The following SORCS2 variants were observed in gnomAD, a reference collection of about 807,000 sequenced individuals.
SORCS2 encodes VPS10 domain-containing receptor SorCS2.
SORCS2 carries 100 observed loss-of-function variants against 141.6 expected under a neutral mutation model. The observed-to-expected ratio is 0.71, with a 90% CI of 0.60 to 0.83. The LOEUF (loss-of-function observed/expected upper bound fraction) is 0.83, where lower values mean the gene tolerates loss of function less well. SORCS2 is among the 40% of genes least tolerant of loss of function. SORCS2 has a pLI of 0.00. For synonymous variants in SORCS2, 789 were observed against 676.9 expected (o/e 1.17, Z -2.57); for missense variants, 1,646 against 1,560.2 (o/e 1.05, Z -0.93).
chr4:7,702,606 C>T (rs1725159624), intron 12 of SORCS2, among the ~76,000 whole-genome samples: 1 of 152,266 alleles, frequency 6.6e-6, no homozygotes, highest in East Asian at 1.9e-4. Context: ...AAGCCCTGTC[C>T]AGGCTACTCA....
intron 11 of SORCS2, among the ~76,000 whole-genome samples, chr4:7,690,161 G>A (rs559503074): frequency 3.3e-5 from 5 of 151,758 alleles, no homozygotes; most frequent in Non-Finnish European, 7.4e-5. Context: ...GTGGGTGGGT[G>A]GATGGATGAG....
chr4:7,640,609 C>T (rs938395722), intron 4 of SORCS2, among the ~76,000 whole-genome samples: 49 of 151,844 alleles, frequency 3.2e-4, no homozygotes, highest in African/African-American at 1.1e-3. Context: ...CACAGATAGC[C>T]TGGGGTGATC....
At chr4:7,204,890 G>A (rs1462973152) in intron 1 of SORCS2, among the ~76,000 whole-genome samples, 2 of 152,218 alleles carry the variant, frequency 1.3e-5, no homozygotes, top group Admixed American at 6.5e-5. Flanking sequence ...GCATTGCTCG[G>A]CGCGGCCGCG....
At chr4:7,319,372 C>T (rs928617824) in intron 1 of SORCS2, among the ~76,000 whole-genome samples, 21 of 152,082 alleles carry the variant, frequency 1.4e-4, no homozygotes, top group Admixed American at 2.0e-4. Context: ...TTGGACCCTC[C>T]GACTTGTCTC....
chr4:7,322,159 C>T lies in SORCS2; in HGVS notation c.481-74129C>T, dbSNP rs73796632. 5.6e-3 allele frequency among the ~76,000 whole-genome samples: 856 copies of T among 152,264 alleles called. 7 individuals carry two copies. The highest frequency in any genetic ancestry group is 0.019 in the African/African-American group (790 of 41,564). On this transcript the variant is annotated intron_variant, in intron 1 of 26. Transcript: ENST00000507866. Reference sequence around the variant, plus strand: ...CAGATGCTGCTTGACCAGAGGGGGCCGGGATGTGGGCCAAGCCCCACCCCC... The same window carrying T: ...CAGATGCTGCTTGACCAGAGGGGGCTGGGATGTGGGCCAAGCCCCACCCCC...
intron 3 of SORCS2, among the ~76,000 whole-genome samples, chr4:7,532,795 G>T (rs1340183427): frequency 6.6e-6 from 1 of 152,130 alleles, no homozygotes; most frequent in Admixed American, 6.5e-5. Flanking sequence ...TCCTAAAGCA[G>T]GTTGCTTTGC....
intron 3 of SORCS2, among the ~76,000 whole-genome samples, chr4:7,547,023 G>GT (rs904186462): frequency 1.3e-5 from 2 of 152,248 alleles, no homozygotes; most frequent in South Asian, 4.2e-4. Context: ...GCTGCTGCCT[G>GT]TTTTTTAACA....
chr4:7,434,765 T>A, intron 2 of SORCS2: 1 of 1,612,820 alleles, frequency 6.2e-7, no homozygotes, highest in Non-Finnish European at 8.5e-7. Context: ...CTGGCAGCTG[T>A]CTGCAGATCC....
intron 1 of SORCS2, among the ~76,000 whole-genome samples, chr4:7,303,792 C>G (rs1717604430): frequency 6.6e-6 from 1 of 152,258 alleles, no homozygotes; most frequent in Non-Finnish European, 1.5e-5. Context: ...GCGCAGGACG[C>G]AGACCTCGGC....
Position 7,643,014 on chromosome 4 carries a change from T to C in SORCS2, c.813+4522T>C, listed in dbSNP as rs140042362. 3.9e-3 allele frequency among the ~76,000 whole-genome samples: 600 copies of C among 152,310 alleles called. 6 individuals are homozygous for C. Among genetic ancestry groups the C allele is most frequent in the African/African-American group, 0.014 (578 of 41,562 alleles). ...TGCCCTGCTCTAAGGATTTGCAGAT[T>C]TGTGCAAAGCCAAAGGCTTGCCTCC... is the stretch of plus-strand genomic sequence containing the variant. On this transcript the variant is annotated intron_variant, in intron 4 of 26. Transcript: ENST00000507866.
intron 1 of SORCS2, among the ~76,000 whole-genome samples, chr4:7,393,075 G>C (rs1344873427): frequency 6.6e-6 from 1 of 152,186 alleles, no homozygotes; most frequent in African/African-American, 2.4e-5. Flanking sequence ...GGAGGCAAGA[G>C]GATGAGACGT....
chr4:7,700,045 T>C (rs1436823611), intron 12 of SORCS2, among the ~76,000 whole-genome samples: 1 of 152,166 alleles, frequency 6.6e-6, no homozygotes, highest in African/African-American at 2.4e-5. Context: ...CCTCTCCGTG[T>C]GCCCCCAGGG....
chr4:7,557,054 G>A (rs11736943), intron 3 of SORCS2, among the ~76,000 whole-genome samples: 88,567 of 151,766 alleles, frequency 0.58, 28,223 homozygotes, highest in East Asian at 0.9. Context: ...TTCCTCCCTT[G>A]TACCAGGCAT....
Position 7,531,625 on chromosome 4 carries a change from G to A in SORCS2, c.644G>A (p.Arg215Lys). The A allele has an allele frequency of 1.9e-6, 3 of 1,613,590 alleles. No homozygotes were observed. The highest frequency in any genetic ancestry group is 1.7e-6 in the Non-Finnish European group (2 of 1,179,752). The change falls in exon 3 of 27, where the codon AGG becomes AAG. Residue 215 changes from arginine to lysine, a missense_variant. Arg to Lys is a conservative substitution (Grantham distance 26). Coordinates refer to ENST00000507866, the MANE Select transcript of SORCS2 (RefSeq NM_020777.3). ...DNFYICPTNK[R>K]KVILVSSSLS... The stretch of plus-strand genomic sequence containing the variant: ...TTCTACATCTGCCCGACCAACAAGA[G>A]GAAGGTAGGTGCTGGCTGGGGGTGG...
chr4:7,403,300 C>G (rs964552516), intron 2 of SORCS2, among the ~76,000 whole-genome samples: 1 of 152,066 alleles, frequency 6.6e-6, no homozygotes, highest in Non-Finnish European at 1.5e-5. Flanking sequence ...TACTGGGACT[C>G]GAGCTGACAG....
At position 7,682,894 on chromosome 4, in the gene SORCS2, G is replaced by C; in HGVS notation, c.1488+5G>C. On this transcript the variant is annotated splice_donor_5th_base_variant and intron_variant, in intron 10 of 26. Transcript: ENST00000507866. ...AAACCAACCAACTGCAAGCCTGTAA[G>C]TACCTCTGCTCACATCACACACCAT... The C allele has an allele frequency of 6.2e-7, 1 of 1,613,082 alleles. No individual in the cohort carries two copies. Among genetic ancestry groups the C allele is most frequent in the Non-Finnish European group, 8.5e-7 (1 of 1,179,564 alleles).
chr4:7,297,541 TC>T, intron 1 of SORCS2, among the ~76,000 whole-genome samples: 1 of 152,290 alleles, frequency 6.6e-6, no homozygotes, highest in South Asian at 2.1e-4. Context: ...CTGCTGAGTC[TC>T]CCTGGGTGAA....
intron 3 of SORCS2, among the ~76,000 whole-genome samples, chr4:7,627,230 C>A (rs1719569167): frequency 6.6e-6 from 1 of 152,164 alleles, no homozygotes; most frequent in Non-Finnish European, 1.5e-5. Context: ...AGCGATTCAC[C>A]CACCTCGGCC....
At chr4:7,614,016 CCATTCACCAT>C (rs1371217044) in intron 3 of SORCS2, among the ~76,000 whole-genome samples, 1 of 151,746 alleles carries the variant, frequency 6.6e-6, no homozygotes, top group African/African-American at 2.4e-5. Flanking sequence ...AATCATACAC[CCATTCACCAT>C]CATTCACCCA....
Sources: gnomAD v4.1 joint callset for allele counts (sites outside exome capture counted in the v4.1 genomes callset) on GRCh38, gnomAD v4.1.1 for gene constraint, MANE v1.5 for transcripts, NCBI Gene and HGNC (gene_info 2026-07-23, HGNC 2026-07-21) for gene names.